DLG5: variants seen among roughly 807,000 people sequenced by gnomAD.
DLG5 encodes disks large homolog 5.
In DLG5, 48 loss-of-function variants were observed where a neutral mutation model predicts 189.8. The ratio of observed to expected loss-of-function variants is 0.25; its 90% CI spans 0.20 to 0.32. DLG5 has a LOEUF of 0.32. Ranked by LOEUF, DLG5 falls within the 10% of genes least tolerant of loss-of-function variation. DLG5 has a pLI of 1.00. For missense variants in DLG5, 2,160 were observed against 2,544.7 expected, an observed-to-expected ratio of 0.85 and a Z score of 3.25; for synonymous variants, 1,016 against 1,054.1, an observed-to-expected ratio of 0.96 and a Z score of 0.70.
In DLG5 at chr10:77,842,077, G is replaced by A. The variant is rs1307292488; in HGVS notation, c.1241C>T (p.Thr414Ile). The A allele has an allele frequency of 1.1e-5, 18 of 1,614,012 alleles. No homozygotes were observed. Among genetic ancestry groups the A allele is most frequent in the Non-Finnish European group, 1.4e-5 (16 of 1,180,048 alleles). The stretch of plus-strand genomic sequence containing the variant: ...CCTGTATTTCTCCGACTCCTTTGCT[G>A]TCTTCACCTGCGTGGTTCTCAGCTC... ...LTELRTTQVK[T>I]AKESEKYREE... is the part of the protein sequence containing the mutation. The change falls in exon 7 of 32, where the codon ACA becomes ATA. Residue 414 changes from threonine to isoleucine, a missense_variant. By Grantham distance (89) the Thr-to-Ile change is moderately conservative. Coordinates refer to ENST00000372391, the MANE Select transcript of DLG5 (RefSeq NM_004747.4).
Position 77,891,377 on chromosome 10 carries a change from C to T in DLG5, c.305-22180G>A, listed in dbSNP as rs545549096. On this transcript the variant is annotated intron_variant, in intron 1 of 31. Coordinates refer to ENST00000372391, the MANE Select transcript of DLG5 (RefSeq NM_004747.4). ...GCAAACTGCAAACTGCAGATGTGGTCCTGCTGAGGACTTCTCAAGGATGAG... is the reference window on the plus strand; with the variant it reads ...GCAAACTGCAAACTGCAGATGTGGTTCTGCTGAGGACTTCTCAAGGATGAG... Among the ~76,000 whole-genome samples the T allele has an allele frequency of 1.6e-4, 25 of 152,258 alleles. No individual in the cohort carries two copies. In the South Asian group the frequency reaches 4.3e-3, roughly 26 times the overall value.
intron 1 of DLG5, among the ~76,000 whole-genome samples, chr10:77,899,310 C>T (rs1845855703): frequency 6.6e-6 from 1 of 152,188 alleles, no homozygotes. Context: ...GGAAATCTGC[C>T]AGCAGGAACT....
At chr10:77,832,970 G>A (rs1316464967) in intron 9 of DLG5, among the ~76,000 whole-genome samples, 1 of 152,138 alleles carries the variant, frequency 6.6e-6, no homozygotes, top group Admixed American at 6.5e-5. Flanking sequence ...GAATGGGAAA[G>A]AAGAGAAGCT....
intron 1 of DLG5, among the ~76,000 whole-genome samples, chr10:77,923,214 C>G (rs569528185): frequency 6.6e-6 from 1 of 152,176 alleles, no homozygotes; most frequent in Non-Finnish European, 1.5e-5. Flanking sequence ...GCAATGGCCT[C>G]GAACTGAGGC....
chr10:77,795,548 G>A (rs923399404), intron 29 of DLG5, among the ~76,000 whole-genome samples: 1 of 152,052 alleles, frequency 6.6e-6, no homozygotes, highest in Admixed American at 6.5e-5. Flanking sequence ...CCCAAGGAGC[G>A]GCTGTGTCCT....
chr10:77,904,119 T>C (rs1846007513), intron 1 of DLG5, among the ~76,000 whole-genome samples: 1 of 152,156 alleles, frequency 6.6e-6, no homozygotes, highest in Non-Finnish European at 1.5e-5. Context: ...AGTTTGAGGC[T>C]GTAGTGCACA....
chr10:77,802,030 G>A (rs74140339), intron 27 of DLG5, among the ~76,000 whole-genome samples: 1,576 of 152,314 alleles, frequency 0.01, 27 homozygotes, highest in African/African-American at 0.036. Flanking sequence ...ATTTGAAGAT[G>A]ACAGTGATGT....
At position 77,846,604 on chromosome 10, in the gene DLG5, G is replaced by A. The variant is rs1243310393; in HGVS notation, c.865-2898C>T. The A allele has an allele frequency of 7.0e-6, 3 of 426,002 alleles. No individual in the cohort carries two copies. The Admixed American group carries it at 7.9e-5, about 11-fold the overall frequency. 26.4% of individuals were successfully genotyped at this position (426,002 alleles called of 1,614,324 possible). The stretch of plus-strand genomic sequence containing the variant: ...CCCTGCTACTCCGGAGGCTGAGGCA[G>A]GAGAATTACTTGAACCCAGGAGGCG... On this transcript the variant is annotated intron_variant, in intron 5 of 31. Coordinates refer to ENST00000372391, the MANE Select transcript of DLG5 (RefSeq NM_004747.4).
intron 5 of DLG5, among the ~76,000 whole-genome samples, chr10:77,849,921 C>G (rs1304002543): frequency 6.6e-6 from 1 of 152,200 alleles, no homozygotes; most frequent in African/African-American, 2.4e-5. Flanking sequence ...CCAGGCTGAT[C>G]TTGGACTCCT....
intron 1 of DLG5, among the ~76,000 whole-genome samples, chr10:77,885,964 A>G (rs986179833): frequency 6.6e-6 from 1 of 152,180 alleles, no homozygotes; most frequent in African/African-American, 2.4e-5. Context: ...AGGAATCCCT[A>G]GGTAGAGAAA....
intron 1 of DLG5, among the ~76,000 whole-genome samples, chr10:77,881,982 C>T (rs893219111): frequency 3.3e-5 from 5 of 152,040 alleles, no homozygotes; most frequent in Non-Finnish European, 7.4e-5. Flanking sequence ...GCTGTTTCTG[C>T]CCCCTCTTTC....
intron 1 of DLG5, among the ~76,000 whole-genome samples, chr10:77,902,162 C>A (rs1845945375): frequency 6.6e-6 from 1 of 152,118 alleles, no homozygotes; most frequent in African/African-American, 2.4e-5. Context: ...TGCCTATTTC[C>A]CAAACACCGA....
At chr10:77,860,312 T>C (rs2154576855) in intron 2 of DLG5, among the ~76,000 whole-genome samples, 2 of 152,312 alleles carry the variant, frequency 1.3e-5, no homozygotes, top group Middle Eastern at 3.4e-3. Context: ...GTTTTGTTTT[T>C]TTGAGACAGA....
intron 19 of DLG5, 115 bp from the exon 20 acceptor site, chr10:77,816,816 G>T: frequency 6.9e-7 from 1 of 1,450,846 alleles, no homozygotes. Flanking sequence ...GCATCGCATA[G>T]TCTGGAGCTC....
intron 27 of DLG5, among the ~76,000 whole-genome samples, chr10:77,797,520 T>C (rs1603641071): frequency 6.6e-6 from 1 of 152,114 alleles, no homozygotes; most frequent in Non-Finnish European, 1.5e-5. Context: ...CGGGCTTCAG[T>C]AGACACTGTG....
chr10:77,920,335 C>T (rs191993317), intron 1 of DLG5, among the ~76,000 whole-genome samples: 2 of 152,286 alleles, frequency 1.3e-5, no homozygotes, highest in Admixed American at 1.3e-4. Context: ...GGTCTAAAAC[C>T]TTGTAAGGTC....
chr10:77,822,110 G>C lies in DLG5; in HGVS notation c.2383-9C>G. The C allele has an allele frequency of 6.2e-7, 1 of 1,604,184 alleles. No homozygotes were observed. The highest frequency in any genetic ancestry group is 8.5e-7 in the Non-Finnish European group (1 of 1,174,664). On this transcript the variant is annotated splice_polypyrimidine_tract_variant and intron_variant, in intron 14 of 31. Coordinates refer to ENST00000372391, the MANE Select transcript of DLG5 (RefSeq NM_004747.4). ...GAGCTCTGAGGGAATACCTAGGCAG[G>C]GATTGCAGAGGAGTGAGAGAGAGAG... is the stretch of plus-strand genomic sequence containing the variant.
At chr10:77,816,440 A>G in intron 20 of DLG5, 111 bp downstream of exon 20, 1 of 1,517,626 alleles carries the variant, frequency 6.6e-7, no homozygotes, top group Non-Finnish European at 9.1e-7. Flanking sequence ...GGGACACTCA[A>G]GCTACTCCTG....
Position 77,806,899 on chromosome 10 carries a change from T to G in DLG5, c.4826A>C (p.Glu1609Ala). 6.2e-7 allele frequency: 1 copy of G among 1,613,784 alleles called. No individual in the cohort carries two copies. Among genetic ancestry groups the G allele is most frequent in the Non-Finnish European group, 8.5e-7 (1 of 1,179,706 alleles). The part of the protein sequence containing the change: ...RALYDRLADV[E>A]QELSFKKDDI... ...GTCCTTCTTAAAGCTCAACTCTTGC[T>G]CCACATCTGCCAGCCGGTCGTACAG... The change falls in exon 26 of 32, where the codon GAG becomes GCG. Residue 1609 changes from glutamate to alanine, a missense_variant. Coordinates refer to ENST00000372391, the MANE Select transcript of DLG5 (RefSeq NM_004747.4).
Sources: allele counts gnomAD v4.1 joint callset (sites outside exome capture counted in the v4.1 genomes callset), GRCh38; gene constraint gnomAD v4.1.1; transcripts MANE v1.5; gene names NCBI Gene and HGNC (gene_info 2026-07-23, HGNC 2026-07-21).